Variants in OXR1 observed in about 807,000 individuals in gnomAD.
OXR1 encodes oxidation resistance 1.
OXR1 carries 41 observed loss-of-function variants against 104.6 expected under a neutral mutation model. The ratio of observed to expected loss-of-function variants is 0.39; its 90% CI spans 0.31 to 0.51. The LOEUF is 0.51. Ranked by LOEUF, OXR1 falls within the 20% of genes least tolerant of loss-of-function variation. The pLI, the probability that OXR1 is intolerant of heterozygous loss-of-function variation, is 0.77. For synonymous variants in OXR1, 348 were observed against 348.4 expected (o/e 1.00, Z 0.01); for missense variants, 955 against 1,031.9 (o/e 0.93, Z 1.02).
chr8:106,678,127 T>A (rs2131204018), intron 3 of OXR1, among the ~76,000 whole-genome samples: 1 of 152,146 alleles, frequency 6.6e-6, no homozygotes, highest in South Asian at 2.1e-4. Context: ...CAGGAAGGTT[T>A]TAGGATAGTT....
At chr8:106,462,444 G>A (rs976989790) in intron 2 of OXR1, among the ~76,000 whole-genome samples, 1 of 151,998 alleles carries the variant, frequency 6.6e-6, no homozygotes, top group Non-Finnish European at 1.5e-5. Context: ...CAATTCCTGG[G>A]TGAACTTTGG....
intron 3 of OXR1, among the ~76,000 whole-genome samples, chr8:106,589,735 C>G: frequency 6.6e-6 from 1 of 151,946 alleles, no homozygotes; most frequent in South Asian, 2.1e-4. Context: ...GGCATGAACT[C>G]GGCTCACTGC....
At position 106,534,612 on chromosome 8, in the gene OXR1, A is replaced by C. The variant is rs79297552; in HGVS notation, c.220+15473A>C. Among the ~76,000 whole-genome samples, 63 of 152,342 alleles carry C rather than the reference A, an allele frequency of 4.1e-4. 1 individual carries two copies. The East Asian group carries it at 0.012, about 28-fold the overall frequency. On this transcript the variant is annotated intron_variant, in intron 3 of 16. Coordinates refer to ENST00000517566, the MANE Select transcript of OXR1 (RefSeq NM_001198533.2). The stretch of plus-strand genomic sequence containing the variant: ...AGATGTACAGACACAAAAACATTAG[A>C]ATTAGCAATTCACTGGCTATTTTAG...
chr8:106,521,112 T>C (rs1250936508), intron 3 of OXR1, among the ~76,000 whole-genome samples: 1 of 152,218 alleles, frequency 6.6e-6, no homozygotes, highest in Non-Finnish European at 1.5e-5. Flanking sequence ...TATAACCCTT[T>C]TAGTAATTTG....
rs114022941 is a variant in OXR1 at position 106,277,564 on chromosome 8, C to T, written c.-139+7197C>T. Among the ~76,000 whole-genome samples the T allele has an allele frequency of 9.9e-3, 1,507 of 152,316 alleles. 15 individuals carry two copies. Among genetic ancestry groups the T allele is most frequent in the African/African-American group, 0.033 (1,367 of 41,554 alleles). ...GAGGAAAAAAAAGAGAGACATGATT[C>T]ATGACTGTGTAAGTGGAGCCGGGAG... is the stretch of plus-strand genomic sequence containing the variant. On this transcript the variant is annotated intron_variant, in intron 1 of 16. Coordinates refer to ENST00000517566, the MANE Select transcript of OXR1 (RefSeq NM_001198533.2).
intron 2 of OXR1, among the ~76,000 whole-genome samples, chr8:106,474,773 A>T (rs1486465231): frequency 6.6e-6 from 1 of 151,912 alleles, no homozygotes; most frequent in Non-Finnish European, 1.5e-5. Flanking sequence ...CTTGAGCAAG[A>T]TGATTTTATT....
At chr8:106,281,208 C>T (rs886558512) in intron 1 of OXR1, among the ~76,000 whole-genome samples, 1 of 152,132 alleles carries the variant, frequency 6.6e-6, no homozygotes, top group Non-Finnish European at 1.5e-5. Flanking sequence ...AAAAGCCAGC[C>T]CAAGGCCCAG....
At chr8:106,680,027 A>G (rs1827994236) in intron 4 of OXR1, among the ~76,000 whole-genome samples, 1 of 152,092 alleles carries the variant, frequency 6.6e-6, no homozygotes, top group Admixed American at 6.5e-5. Flanking sequence ...TTAATTTAGC[A>G]TTTGTATCAT....
intron 2 of OXR1, among the ~76,000 whole-genome samples, chr8:106,514,963 G>T (rs1812766624): frequency 6.6e-6 from 1 of 151,786 alleles, no homozygotes; most frequent in Non-Finnish European, 1.5e-5. Flanking sequence ...ACTTTATATT[G>T]AAACTTAAAT....
intron 3 of OXR1, among the ~76,000 whole-genome samples, chr8:106,550,674 C>T (rs1815733151): frequency 6.6e-6 from 1 of 152,134 alleles, no homozygotes; most frequent in African/African-American, 2.4e-5. Context: ...TGATCATTCT[C>T]TCTCACCTGT....
intron 2 of OXR1, among the ~76,000 whole-genome samples, chr8:106,377,991 AT>A (rs1193840181): frequency 6.6e-6 from 1 of 152,070 alleles, no homozygotes; most frequent in Non-Finnish European, 1.5e-5. Flanking sequence ...ACAGAAGTTC[AT>A]TTTTATTTTG....
At chr8:106,463,682 AC>A (rs1229617984) in intron 2 of OXR1, among the ~76,000 whole-genome samples, 2 of 152,128 alleles carry the variant, frequency 1.3e-5, no homozygotes, top group Non-Finnish European at 2.9e-5. Context: ...TTAGCCACTT[AC>A]CTGCTGTGTA....
chr8:106,309,257 C>T (rs1813597743), intron 1 of OXR1, among the ~76,000 whole-genome samples: 1 of 152,190 alleles, frequency 6.6e-6, no homozygotes, highest in Non-Finnish European at 1.5e-5. Context: ...ATTGAGATTA[C>T]AGGTGTGAGC....
chr8:106,731,803 G>A (rs1468671072), intron 11 of OXR1, among the ~76,000 whole-genome samples: 1 of 152,184 alleles, frequency 6.6e-6, no homozygotes, highest in African/African-American at 2.4e-5. Flanking sequence ...TTATAGTATA[G>A]TAAGTCTTGA....
chr8:106,291,639 G>T (rs866044643), intron 1 of OXR1, among the ~76,000 whole-genome samples: 26 of 152,088 alleles, frequency 1.7e-4, no homozygotes, highest in African/African-American at 6.0e-4. Flanking sequence ...GTTTCAAATT[G>T]CTTGTCATTC....
At chr8:106,549,729 G>T (rs1321187569) in intron 3 of OXR1, among the ~76,000 whole-genome samples, 1 of 152,166 alleles carries the variant, frequency 6.6e-6, no homozygotes, top group Non-Finnish European at 1.5e-5. Context: ...ATTCACATAT[G>T]CAAGGGATGA....
At chr8:106,579,544 C>T (rs1818090014) in intron 3 of OXR1, among the ~76,000 whole-genome samples, 1 of 152,184 alleles carries the variant, frequency 6.6e-6, no homozygotes, top group Non-Finnish European at 1.5e-5. Flanking sequence ...TGGGACTGAG[C>T]TTGCTGGCTC....
intron 3 of OXR1, among the ~76,000 whole-genome samples, chr8:106,579,503 C>T (rs1408743817): frequency 1.3e-5 from 2 of 152,172 alleles, no homozygotes; most frequent in Non-Finnish European, 2.9e-5. Context: ...TGATTATCTA[C>T]GAGAGTGCAG....
At chr8:106,720,517 C>T (rs1212791806) in intron 11 of OXR1, among the ~76,000 whole-genome samples, 1 of 152,146 alleles carries the variant, frequency 6.6e-6, no homozygotes, top group Non-Finnish European at 1.5e-5. Context: ...TTTCATATTC[C>T]TTTCATCTGG....
Sources: gnomAD v4.1 joint callset for allele counts (sites outside exome capture counted in the v4.1 genomes callset) on GRCh38, gnomAD v4.1.1 for gene constraint, MANE v1.5 for transcripts, NCBI Gene and HGNC (gene_info 2026-07-23, HGNC 2026-07-21) for gene names.